ROBO1: variants seen among roughly 807,000 people sequenced by gnomAD.
ROBO1 encodes roundabout guidance receptor 1.
Under a neutral mutation model 195.9 loss-of-function variants are expected in ROBO1, and 149 were observed. The ratio of observed to expected loss-of-function variants is 0.76; its 90% CI spans 0.67 to 0.87. ROBO1 has a LOEUF of 0.87. Among genes scored for constraint, ROBO1 ranks in the 40% least tolerant of loss-of-function variants. The pLI is 0.00. For synonymous variants in ROBO1, 816 were observed against 733.2 expected, an observed-to-expected ratio of 1.11 and a Z score of -1.82; for missense variants, 1,933 against 2,068.3, an observed-to-expected ratio of 0.93 and a Z score of 1.27.
At chr3:79,330,494 T>A (rs2034397235) in intron 2 of ROBO1, among the ~76,000 whole-genome samples, 1 of 151,112 alleles carries the variant, frequency 6.6e-6, no homozygotes, top group Non-Finnish European at 1.5e-5. Context: ...TTGTGATATG[T>A]GAAAATTATA....
intron 2 of ROBO1, among the ~76,000 whole-genome samples, chr3:79,263,984 TTGCA>T (rs2082987826): frequency 1.3e-5 from 2 of 152,046 alleles, no homozygotes; most frequent in Admixed American, 1.3e-4. Context: ...CCACAAATCC[TTGCA>T]TGTCTTCCCA....
At chr3:79,351,729 A>G (rs928808467) in intron 2 of ROBO1, among the ~76,000 whole-genome samples, 1 of 152,186 alleles carries the variant, frequency 6.6e-6, no homozygotes, top group African/African-American at 2.4e-5. Context: ...AGAAAAAGCA[A>G]AATAGAAGCT....
Position 79,740,427 on chromosome 3 carries a change from G to A in ROBO1, c.-51+27325C>T, listed in dbSNP as rs191092910. Among the ~76,000 whole-genome samples, 15 of 151,974 alleles carry A rather than the reference G, an allele frequency of 9.9e-5. No individual in the cohort carries two copies. In the East Asian group the frequency reaches 2.9e-3, roughly 29 times the overall value. On this transcript the variant is annotated intron_variant, in intron 1 of 30. Coordinates refer to ENST00000464233, the MANE Select transcript of ROBO1 (RefSeq NM_002941.4). ...ACTGTATTGGTTCCTTCTCACAGCTGCTATGAAGAAATACATGAGACTAGG... is the reference window on the plus strand; with the variant it reads ...ACTGTATTGGTTCCTTCTCACAGCTACTATGAAGAAATACATGAGACTAGG...
intron 2 of ROBO1, among the ~76,000 whole-genome samples, chr3:79,412,909 T>TA (rs2037839687): frequency 8.7e-6 from 1 of 114,706 alleles, no homozygotes; most frequent in South Asian, 3.0e-4. Flanking sequence ...TTTTTTTTTT[T>TA]AGTAAATAAG....
chr3:78,954,559 T>C (rs2040945968), intron 3 of ROBO1, among the ~76,000 whole-genome samples: 1 of 152,086 alleles, frequency 6.6e-6, no homozygotes, highest in African/African-American at 2.4e-5. Context: ...ACGTTTGAAA[T>C]GTTCACTGAC....
At chr3:78,941,333 A>C (rs1464922192) in intron 3 of ROBO1, among the ~76,000 whole-genome samples, 1 of 152,200 alleles carries the variant, frequency 6.6e-6, no homozygotes, top group East Asian at 1.9e-4. Flanking sequence ...GCTATGTTGA[A>C]GCCAAGTGAA....
At chr3:79,256,358 T>C (rs2082833403) in intron 2 of ROBO1, among the ~76,000 whole-genome samples, 1 of 152,132 alleles carries the variant, frequency 6.6e-6, no homozygotes, top group Non-Finnish European at 1.5e-5. Flanking sequence ...AGACAGCACT[T>C]GAGAGTACAG....
At chr3:79,250,125 A>G (rs1242890988) in intron 2 of ROBO1, among the ~76,000 whole-genome samples, 1 of 152,222 alleles carries the variant, frequency 6.6e-6, no homozygotes, top group Non-Finnish European at 1.5e-5. Context: ...ACTGAATTAC[A>G]GAATATTAGA....
chr3:79,725,287 C>G lies in ROBO1; in HGVS notation c.-51+42465G>C, dbSNP rs1208295399. 1.0e-4 allele frequency among the ~76,000 whole-genome samples: 13 copies of G among 130,326 alleles called. No individual in the cohort carries two copies. The East Asian group carries it at 3.0e-3, about 30-fold the overall frequency. 85.5% of individuals were successfully genotyped at this position (130,326 alleles called of 152,430 possible). A position where few individuals can be genotyped will look rare whatever the true frequency, so the allele number is the denominator to read the frequency against. On this transcript the variant is annotated intron_variant, in intron 1 of 30. Transcript: ENST00000464233. ...TGTCGCCCAGGCTGGAGTGCAGTGG[C>G]GCGATCTCGGCTCACTGCAAGCTCC...
intron 4 of ROBO1, among the ~76,000 whole-genome samples, chr3:78,850,787 T>G (rs1028742766): frequency 8.0e-5 from 12 of 150,504 alleles, no homozygotes; most frequent in Admixed American, 7.3e-4. Flanking sequence ...TTTCTTTCTT[T>G]TCTTTGTTTC....
At chr3:79,654,066 C>T (rs1174582657) in intron 1 of ROBO1, among the ~76,000 whole-genome samples, 2 of 151,912 alleles carry the variant, frequency 1.3e-5, no homozygotes, top group Non-Finnish European at 2.9e-5. Flanking sequence ...GTATGTCTAA[C>T]TGTTTAGATG....
intron 2 of ROBO1, among the ~76,000 whole-genome samples, chr3:79,194,005 A>T (rs1367970080): frequency 6.6e-6 from 1 of 151,714 alleles, no homozygotes; most frequent in Non-Finnish European, 1.5e-5. Context: ...AACTTGAAGG[A>T]AATATATTGG....
rs543686832 is a variant in ROBO1, at chr3:79,366,824, A to G, written c.88+223000T>C. Among the ~76,000 whole-genome samples, 3 of 152,280 alleles carry G rather than the reference A, an allele frequency of 2.0e-5. No individual in the cohort carries two copies. The East Asian group carries it at 5.8e-4, about 29-fold the overall frequency. ...CTTGTAAGGTAGTTCAGTTCATATT[A>G]GATTCCTGCTAAAAGGCTAAAACCA... is the stretch of plus-strand genomic sequence containing the variant. On this transcript the variant is annotated intron_variant, in intron 2 of 30. Coordinates refer to ENST00000464233, the MANE Select transcript of ROBO1 (RefSeq NM_002941.4).
intron 4 of ROBO1, among the ~76,000 whole-genome samples, chr3:78,778,337 T>C (rs2083567710): frequency 6.6e-6 from 1 of 150,662 alleles, no homozygotes; most frequent in South Asian, 2.1e-4. Flanking sequence ...ATCAGGATGA[T>C]GCTAGCCTCA....
chr3:79,486,542 T>C lies in ROBO1; in HGVS notation c.88+103282A>G, dbSNP rs980608402. Among the ~76,000 whole-genome samples the C allele has an allele frequency of 1.1e-4, 17 of 152,304 alleles. No homozygotes were observed. The East Asian group carries it at 2.9e-3, about 26-fold the overall frequency. On this transcript the variant is annotated intron_variant, in intron 2 of 30. Coordinates refer to ENST00000464233, the MANE Select transcript of ROBO1 (RefSeq NM_002941.4). ...CAAGAAAATGCCTACTTTTCTAATA[T>C]AGCTTAATGGGGAAAAAGGTTACAT... is the stretch of plus-strand genomic sequence containing the variant.
At chr3:79,376,047 C>A (rs969868878) in intron 2 of ROBO1, among the ~76,000 whole-genome samples, 1 of 152,086 alleles carries the variant, frequency 6.6e-6, no homozygotes, top group Non-Finnish European at 1.5e-5. Context: ...ATTTCCAATC[C>A]GTGTAACCTA....
intron 4 of ROBO1, among the ~76,000 whole-genome samples, chr3:78,853,786 G>A (rs1323972467): frequency 6.6e-6 from 1 of 152,094 alleles, no homozygotes; most frequent in East Asian, 1.9e-4. Context: ...CGTGACTGGA[G>A]AGGCCTCACA....
At chr3:79,004,329 C>T (rs2077573006) in intron 3 of ROBO1, among the ~76,000 whole-genome samples, 1 of 152,174 alleles carries the variant, frequency 6.6e-6, no homozygotes, top group Admixed American at 6.6e-5. Flanking sequence ...TTCATCCCTT[C>T]TATAACTCCT....
chr3:79,557,119 G>C (rs1942731283), intron 2 of ROBO1, among the ~76,000 whole-genome samples: 1 of 150,734 alleles, frequency 6.6e-6, no homozygotes, highest in African/African-American at 2.4e-5. Context: ...GAAGTTCCTA[G>C]AGTTGAGTTT....
Sources: allele counts gnomAD v4.1 joint callset (sites outside exome capture counted in the v4.1 genomes callset), GRCh38; gene constraint gnomAD v4.1.1; transcripts MANE v1.5; gene names NCBI Gene and HGNC (gene_info 2026-07-23, HGNC 2026-07-21).